CDCA7L: variants seen among roughly 807,000 people sequenced by gnomAD.
CDCA7L encodes the protein cell division cycle associated 7 like.
In CDCA7L, 44 loss-of-function variants were observed where a neutral mutation model predicts 57.4. The observed-to-expected ratio is 0.77, with a 90% CI of 0.60 to 0.98. The LOEUF is 0.98. Ranked by LOEUF, CDCA7L falls within the 50% of genes least tolerant of loss-of-function variation. The pLI is 0.00. For synonymous variants in CDCA7L, 236 were observed against 202.8 expected (o/e 1.16, Z -1.39); for missense variants, 644 against 580.6 (o/e 1.11, Z -1.12).
At chr7:21,934,073 T>A (rs1786093049) in intron 1 of CDCA7L, among the ~76,000 whole-genome samples, 1 of 152,132 alleles carries the variant, frequency 6.6e-6, no homozygotes, top group East Asian at 1.9e-4. Context: ...TACATGAAAG[T>A]CACTACACCG....
chr7:21,945,600 C>A (rs1018973978), intron 1 of CDCA7L, among the ~76,000 whole-genome samples, 181 bp downstream of exon 1: 6 of 152,170 alleles, frequency 3.9e-5, no homozygotes, highest in African/African-American at 1.4e-4. Flanking sequence ...GTAGCACAAA[C>A]GTGACCCACT....
At chr7:21,904,689 C>A (rs184987090) in intron 7 of CDCA7L, among the ~76,000 whole-genome samples, 11 of 152,192 alleles carry the variant, frequency 7.2e-5, no homozygotes, top group Non-Finnish European at 1.6e-4. Flanking sequence ...TTCCTGCCCC[C>A]CAAATCCATG....
At chr7:21,902,378 G>T (rs1260481319) in intron 9 of CDCA7L, 26 bp from the exon 10 acceptor site, 1 of 1,606,712 alleles carries the variant, frequency 6.2e-7, no homozygotes, top group East Asian at 2.2e-5. Flanking sequence ...GAAGTATTTG[G>T]TAAAGTAGTA....
chr7:21,937,974 C>T (rs1402495020), intron 1 of CDCA7L, among the ~76,000 whole-genome samples: 1 of 152,060 alleles, frequency 6.6e-6, no homozygotes, highest in African/African-American at 2.4e-5. Flanking sequence ...CTATAAAACT[C>T]ATGGAAGAAA....
chr7:21,940,808 C>G (rs1354022053), intron 1 of CDCA7L, among the ~76,000 whole-genome samples: 2 of 152,240 alleles, frequency 1.3e-5, no homozygotes, highest in African/African-American at 4.8e-5. Context: ...TCTGCAGTCA[C>G]TTCCACTAAA....
At chr7:21,904,407 T>C (rs1785063326) in intron 7 of CDCA7L, 148 bp from the exon 8 acceptor site, 11 of 861,030 alleles carry the variant, frequency 1.3e-5, no homozygotes, top group Admixed American at 3.4e-5. Flanking sequence ...AACCACAGCA[T>C]TGTCTCTAGA....
chr7:21,911,344 T>C (rs1011225004), intron 3 of CDCA7L, among the ~76,000 whole-genome samples: 2 of 151,944 alleles, frequency 1.3e-5, no homozygotes, highest in Admixed American at 1.3e-4. Context: ...ATAAATTCTT[T>C]GAGAAGGACA....
chr7:21,902,018 C>T lies in CDCA7L; in HGVS notation c.*304G>A. ...TGATCATACAATGTTTTCTCTCTAACTTACTTACCTGAACTTTAACCCCAC... is the reference window on the plus strand; with the variant it reads ...TGATCATACAATGTTTTCTCTCTAATTTACTTACCTGAACTTTAACCCCAC... On this transcript the variant is annotated 3_prime_UTR_variant, in exon 10 of 10. Transcript: ENST00000406877. 1 of 387,128 alleles carries T rather than the reference C, an allele frequency of 2.6e-6. No individual in the cohort carries two copies. The highest frequency in any genetic ancestry group is 3.4e-5 in the South Asian group (1 of 29,126). The allele number at this position is 387,128 out of a possible 1,614,324, so 24.0% of individuals were successfully genotyped here. A position where few individuals can be genotyped will look rare whatever the true frequency, so the allele number is the denominator to read the frequency against.
rs890238040 is a variant in CDCA7L at position 21,938,649 on chromosome 7, G to A, written c.24+7132C>T. On this transcript the variant is annotated intron_variant, in intron 1 of 9. Coordinates refer to ENST00000406877, the MANE Select transcript of CDCA7L (RefSeq NM_018719.5). ...CAATAGCCAAAAGGTGGAAACAACC[G>A]ACAACATAAATAGATGAGTAAATAA... Among the ~76,000 whole-genome samples, 5 of 152,054 alleles carry A rather than the reference G, an allele frequency of 3.3e-5. 1 individual carries two copies. Among genetic ancestry groups the A allele is most frequent in the African/African-American group, 9.7e-5 (4 of 41,400 alleles).
intron 1 of CDCA7L, 101 bp downstream of exon 1, chr7:21,945,680 G>A (rs1170662720): frequency 1.4e-6 from 2 of 1,471,280 alleles, no homozygotes; most frequent in Non-Finnish European, 9.3e-7. Flanking sequence ...CAGTGCCGCA[G>A]CCAAGGGCCA....
chr7:21,903,315 A>C (rs1785004513), intron 8 of CDCA7L, among the ~76,000 whole-genome samples: 1 of 152,040 alleles, frequency 6.6e-6, no homozygotes, highest in African/African-American at 2.4e-5. Context: ...GAAAAATGAC[A>C]CCTTTTAGGG....
chr7:21,913,260 A>G (rs1190260716), intron 2 of CDCA7L, among the ~76,000 whole-genome samples: 4 of 152,154 alleles, frequency 2.6e-5, no homozygotes, highest in Non-Finnish European at 5.9e-5. Flanking sequence ...ATGAATTATT[A>G]TGGGTAATTG....
At position 21,904,125 on chromosome 7, in the gene CDCA7L, C is replaced by A. The variant is rs757890197; in HGVS notation, c.1182G>T (p.Ser394=). Residue 394 remains serine, a synonymous_variant, in exon 8 of 10, where the codon TCG becomes TCT. Transcript: ENST00000406877. The part of the protein sequence containing the change: ...LRNRYGEDVR[S]ALLDPDWVCP... ...CTGTTCCTACCGGGTCCAGCAATGC[C>A]GATCTGACATCCTCCCCATAGCGGT... is the stretch of plus-strand genomic sequence containing the variant. 5.0e-6 allele frequency: 8 copies of A among 1,603,482 alleles called. 1 individual carries two copies. In the South Asian group the frequency reaches 6.7e-5, roughly 13 times the overall value.
chr7:21,906,932 G>A (rs1431739586), intron 4 of CDCA7L, among the ~76,000 whole-genome samples: 2 of 152,112 alleles, frequency 1.3e-5, no homozygotes, highest in Admixed American at 1.3e-4. Context: ...ATGAGGTTCC[G>A]ATCCCGACTC....
At chr7:21,936,871 A>C (rs983057919) in intron 1 of CDCA7L, among the ~76,000 whole-genome samples, 5 of 152,176 alleles carry the variant, frequency 3.3e-5, no homozygotes, top group African/African-American at 1.2e-4. Context: ...AAGAAGCAAA[A>C]TTTATCTCTG....
intron 1 of CDCA7L, among the ~76,000 whole-genome samples, chr7:21,919,740 TC>T (rs1456132681): frequency 6.6e-6 from 1 of 152,098 alleles, no homozygotes; most frequent in Non-Finnish European, 1.5e-5. Flanking sequence ...AATATACTTA[TC>T]CATGTGGTGC....
Position 21,901,162 on chromosome 7 carries a change from G to A in CDCA7L, c.*1160C>T, listed in dbSNP as rs1784804643. The stretch of plus-strand genomic sequence containing the variant: ...CCCTGTGTATAGAACCAAACTGAGA[G>A]GCCCCAGCTACATCTGGACCTTCAG... On this transcript the variant is annotated 3_prime_UTR_variant, in exon 10 of 10. Coordinates refer to ENST00000406877, the MANE Select transcript of CDCA7L (RefSeq NM_018719.5). The A allele has an allele frequency of 1.2e-6, 2 of 1,613,890 alleles. No individual in the cohort carries two copies. The highest frequency in any genetic ancestry group is 1.7e-6 in the Non-Finnish European group (2 of 1,179,858).
At chr7:21,931,773 C>A (rs1384506775) in intron 1 of CDCA7L, among the ~76,000 whole-genome samples, 1 of 152,138 alleles carries the variant, frequency 6.6e-6, no homozygotes, top group Non-Finnish European at 1.5e-5. Context: ...TCTTCCTATC[C>A]GTGAGCATGG....
chr7:21,902,762 G>A, intron 9 of CDCA7L: 1 of 537,200 alleles, frequency 1.9e-6, no homozygotes, highest in Non-Finnish European at 3.2e-6. Context: ...GCAACGTGGA[G>A]TTGAGTTGAA....
Sources: allele counts gnomAD v4.1 joint callset (sites outside exome capture counted in the v4.1 genomes callset), GRCh38; gene constraint gnomAD v4.1.1; transcripts MANE v1.5; gene names NCBI Gene and HGNC (gene_info 2026-07-23, HGNC 2026-07-21).